Variants in MAEA observed in about 807,000 individuals in gnomAD.
MAEA encodes E3 ubiquitin-protein transferase MAEA.
A neutral mutation model predicts 46.2 loss-of-function variants in MAEA; 22 were observed. The observed-to-expected ratio is 0.48, with a 90% CI of 0.34 to 0.68. MAEA has a LOEUF of 0.68. Among genes scored for constraint, MAEA ranks in the 30% least tolerant of loss-of-function variants. The probability of loss-of-function intolerance (pLI) is 0.01; values close to 1 mark genes in which losing one functional copy is unlikely to be tolerated. For missense variants in MAEA, 393 were observed against 558.1 expected, an observed-to-expected ratio of 0.70 and a Z score of 2.98; for synonymous variants, 246 against 222.6, an observed-to-expected ratio of 1.11 and a Z score of -0.94.
At chr4:1,307,431 C>T (rs76030159) in intron 1 of MAEA, among the ~76,000 whole-genome samples, 1,847 of 152,324 alleles carry the variant, frequency 0.012, 33 homozygotes, top group African/African-American at 0.042. Flanking sequence ...TCATGGTTGA[C>T]TTATTTCACT....
At chr4:1,329,882 CAG>C in intron 5 of MAEA, 3 of 985,570 alleles carry the variant, frequency 3.0e-6, no homozygotes, top group Non-Finnish European at 3.6e-6. Context: ...GCCAGGGTCC[CAG>C]CCCGCAGGAG....
intron 1 of MAEA, among the ~76,000 whole-genome samples, chr4:1,292,209 T>C (rs1734170583): frequency 6.6e-6 from 1 of 152,164 alleles, no homozygotes; most frequent in African/African-American, 2.4e-5. Flanking sequence ...TGGCATGCTC[T>C]GGACTGGATC....
At chr4:1,293,852 G>A (rs1734355912) in intron 1 of MAEA, among the ~76,000 whole-genome samples, 1 of 152,198 alleles carries the variant, frequency 6.6e-6, no homozygotes, top group Admixed American at 6.5e-5. Context: ...TCACAGCCTG[G>A]GTCTGTGCCT....
chr4:1,316,841 C>T (rs570219111), intron 3 of MAEA, among the ~76,000 whole-genome samples: 28 of 152,168 alleles, frequency 1.8e-4, no homozygotes, highest in Admixed American at 3.9e-4. Context: ...GCCATCTGCA[C>T]GCCCTGCTGG....
In MAEA at chr4:1,311,098, C is replaced by T. The variant is rs904900429; in HGVS notation, c.70-881C>T. On this transcript the variant is annotated intron_variant, in intron 1 of 8. Coordinates refer to ENST00000303400, the MANE Select transcript of MAEA (RefSeq NM_001017405.3). The surrounding 1 kb of genome is among the most constrained non-coding windows in gnomAD (Gnocchi z 4.4). The stretch of plus-strand genomic sequence containing the variant: ...TGGTTGGGCACGGCTGGAGAGGAGG[C>T]GAGGTGGAGCGCTTGTTCTGGCACA... 1.3e-5 allele frequency among the ~76,000 whole-genome samples: 2 copies of T among 152,168 alleles called. No individual in the cohort carries two copies. The highest frequency in any genetic ancestry group is 6.5e-5 in the Admixed American group (1 of 15,282).
chr4:1,311,396 T>C lies in MAEA; in HGVS notation c.70-583T>C, dbSNP rs909134259. Among the ~76,000 whole-genome samples the C allele has an allele frequency of 6.6e-6, 1 of 152,254 alleles. No individual in the cohort carries two copies. The highest frequency in any genetic ancestry group is 1.5e-5 in the Non-Finnish European group (1 of 68,040). The stretch of plus-strand genomic sequence containing the variant: ...CAACGACTTTAAGATTCTCCTTGAT[T>C]GGCTTATTTCCACAGGGAATGGATG... On this transcript the variant is annotated intron_variant, in intron 1 of 8. Coordinates refer to ENST00000303400, the MANE Select transcript of MAEA (RefSeq NM_001017405.3). The surrounding 1 kb of genome is among the most constrained non-coding windows in gnomAD (Gnocchi z 4.4).
rs370344362 is a variant in MAEA at position 1,315,489 on chromosome 4, G to A, written c.345G>A (p.Ala115=). ...AAGAGCATAGCAGCGACCAGCCCGC[G>A]GCGGCCAGCGTGTGGAAGAGGAAGC... The part of the protein sequence containing the change: ...HLKEHSSDQP[A]AASVWKRKRM... The change falls in exon 3 of 9, where the codon GCG becomes GCA. Residue 115 remains alanine, a synonymous_variant. Transcript: ENST00000303400. 1.3e-5 allele frequency: 21 copies of A among 1,613,758 alleles called. No homozygotes were observed. The highest frequency in any genetic ancestry group is 2.2e-5 in the East Asian group (1 of 44,892).
rs560294727 is a variant in MAEA at position 1,309,412 on chromosome 4, C to T, written c.70-2567C>T. 2.4e-6 allele frequency: 3 copies of T among 1,272,922 alleles called. No homozygotes were observed. The East Asian group carries it at 8.9e-5, about 38-fold the overall frequency. 78.9% of individuals were successfully genotyped at this position (1,272,922 alleles called of 1,614,324 possible). A position where few individuals can be genotyped will look rare whatever the true frequency, so the allele number is the denominator to read the frequency against. On this transcript the variant is annotated intron_variant, in intron 1 of 8. Transcript: ENST00000303400. ...GGGCCCGGAGTCACGTGCTGAGTCC[C>T]CCGGAAGAGGAGGCGGTGCTTTCCG...
intron 1 of MAEA, among the ~76,000 whole-genome samples, chr4:1,291,931 G>A (rs1734145389): frequency 6.6e-6 from 1 of 152,164 alleles, no homozygotes; most frequent in South Asian, 2.1e-4. Flanking sequence ...TTTTTTCATA[G>A]AAGTTTTCAG....
intron 1 of MAEA, chr4:1,309,405 T>C (rs1229482580): frequency 7.9e-7 from 1 of 1,267,642 alleles, no homozygotes; most frequent in African/African-American, 1.5e-5. Context: ...AGTCACGTGC[T>C]GAGTCCCCCG....
At chr4:1,297,512 G>A (rs1318476039) in intron 1 of MAEA, among the ~76,000 whole-genome samples, 1 of 146,800 alleles carries the variant, frequency 6.8e-6, no homozygotes, top group Non-Finnish European at 1.5e-5. Flanking sequence ...TTGAGTGTGG[G>A]CTCATTGCTG....
chr4:1,337,774 C>G, intron 7 of MAEA: 2 of 175,346 alleles, frequency 1.1e-5, no homozygotes, highest in Non-Finnish European at 2.5e-5. Flanking sequence ...GCCTGTGACT[C>G]AGCCTCTTAC....
At chr4:1,294,815 A>AG (rs1734473777) in intron 1 of MAEA, among the ~76,000 whole-genome samples, 1 of 8,936 alleles carries the variant, frequency 1.1e-4, no homozygotes, top group Admixed American at 1.6e-3. Context: ...GGCCGGGGGC[A>AG]GGGGCAGGGG....
chr4:1,316,384 G>A (rs1055591228), intron 3 of MAEA, among the ~76,000 whole-genome samples: 2 of 151,762 alleles, frequency 1.3e-5, no homozygotes, highest in Non-Finnish European at 2.9e-5. Flanking sequence ...CGTCGCCCTT[G>A]CCCCTGTCCA....
At chr4:1,336,825 G>T in intron 6 of MAEA, 36 bp from the exon 7 acceptor site, 1 of 1,599,500 alleles carries the variant, frequency 6.3e-7, no homozygotes. Context: ...GCTTCCCTGG[G>T]AGCATCCCCA....
In MAEA at chr4:1,338,488, C is replaced by G; in HGVS notation, c.966C>G (p.Asn322Lys). The G allele has an allele frequency of 6.2e-7, 1 of 1,613,160 alleles. No individual in the cohort carries two copies. Among genetic ancestry groups the G allele is most frequent in the Non-Finnish European group, 8.5e-7 (1 of 1,179,986 alleles). ...PDCPVCSRSL[N>K]KLAQPLPMAH... The stretch of plus-strand genomic sequence containing the variant: ...GCCCTGTGTGCAGCCGCTCCCTGAA[C>G]AAGCTGGCGCAGCCCCTGCCCATGG... Residue 322 changes from asparagine (N) to lysine (K), a missense_variant, in exon 8 of 9, where the codon AAC (asparagine) becomes AAG (lysine). Physicochemically the swap from Asn to Lys is moderately conservative, Grantham distance 94. Transcript: ENST00000303400.
intron 2 of MAEA, chr4:1,312,423 ATTTT>A (rs34329974): frequency 5.3e-3 from 911 of 171,230 alleles, no homozygotes; most frequent in South Asian, 9.3e-3. Flanking sequence ...AGGTTGATTG[ATTTT>A]TTTTTTTTTT....
Position 1,300,374 on chromosome 4 carries a change from A to G in MAEA, c.69+10392A>G, listed in dbSNP as rs1396379504. On this transcript the variant is annotated intron_variant, in intron 1 of 8. Transcript: ENST00000303400. ...GAAGGGCTGGGCCTTGCCAGACACC[A>G]CAGCCAGGTATGTAACTGCCAAAGT... 2.6e-5 allele frequency among the ~76,000 whole-genome samples: 4 copies of G among 152,380 alleles called. No homozygotes were observed. In the East Asian group the frequency reaches 7.7e-4, roughly 29 times the overall value.
rs1476875713 is a variant in MAEA, at chr4:1,339,902, G to GC, written c.*734dup. The stretch of plus-strand genomic sequence containing the variant: ...TGGAAATCCACGGGACCAAATTTCT[G>GC]CAGAGGCCTTGCCGGATGGTTCCAT... On this transcript the variant is annotated 3_prime_UTR_variant, in exon 9 of 9. Transcript: ENST00000303400. 1 of 152,766 alleles carries GC rather than the reference G, an allele frequency of 6.5e-6. No individual in the cohort carries two copies. The highest frequency in any genetic ancestry group is 2.4e-5 in the African/African-American group (1 of 41,478). The allele number at this position is 152,766 out of a possible 1,614,324, so 9.5% of individuals were successfully genotyped here. A position where few individuals can be genotyped will look rare whatever the true frequency, so the allele number is the denominator to read the frequency against.
Sources: gnomAD v4.1 joint callset for allele counts (sites outside exome capture counted in the v4.1 genomes callset) on GRCh38, gnomAD v4.1.1 for gene constraint, Gnocchi (gnomAD v3.1) non-coding constraint, MANE v1.5 for transcripts, NCBI Gene and HGNC (gene_info 2026-07-23, HGNC 2026-07-21) for gene names.